The following XKR6 variants were observed in gnomAD, a reference collection of about 807,000 sequenced individuals.
The protein encoded by XKR6 is XK-related protein 6.
XKR6 carries 22 observed loss-of-function variants against 56.7 expected under a neutral mutation model. That is an observed-to-expected ratio of 0.39 (90% CI 0.28 to 0.55). XKR6 has a LOEUF of 0.55. Among genes scored for constraint, XKR6 ranks in the 20% least tolerant of loss-of-function variants. XKR6 has a pLI of 0.66. For synonymous variants in XKR6, 524 were observed against 387.8 expected (o/e 1.35, Z -4.13); for missense variants, 852 against 889.0 (o/e 0.96, Z 0.53).
intron 1 of XKR6, among the ~76,000 whole-genome samples, chr8:11,082,611 G>A (rs1797762357): frequency 6.6e-6 from 1 of 152,198 alleles, no homozygotes; most frequent in Admixed American, 6.5e-5. Context: ...AATAATGGGG[G>A]ATTCAGCCTG....
chr8:11,036,676 G>C (rs78518886), intron 1 of XKR6, among the ~76,000 whole-genome samples: 247 of 152,366 alleles, frequency 1.6e-3, no homozygotes, highest in African/African-American at 5.8e-3. Flanking sequence ...GTGTTCTTTG[G>C]AGGGTTCAAC....
chr8:11,107,275 C>A (rs989649352), intron 1 of XKR6, among the ~76,000 whole-genome samples: 1 of 151,826 alleles, frequency 6.6e-6, no homozygotes, highest in Non-Finnish European at 1.5e-5. Context: ...TCACAGCTCA[C>A]TGCATGCTCA....
chr8:11,115,256 T>C (rs562636318), intron 1 of XKR6, among the ~76,000 whole-genome samples: 6 of 152,364 alleles, frequency 3.9e-5, no homozygotes, highest in African/African-American at 1.2e-4. Context: ...ATTTTAATCC[T>C]GGAAATTAAT....
intron 1 of XKR6, among the ~76,000 whole-genome samples, chr8:11,054,476 T>A (rs899854586): frequency 4.6e-5 from 7 of 152,158 alleles, no homozygotes; most frequent in African/African-American, 1.4e-4. Context: ...ACGTTGTAGA[T>A]CAACTTATCT....
At chr8:11,130,842 C>G (rs1441131629) in intron 1 of XKR6, among the ~76,000 whole-genome samples, 1 of 152,108 alleles carries the variant, frequency 6.6e-6, no homozygotes, top group Non-Finnish European at 1.5e-5. Context: ...CTTCAGGACT[C>G]CAGTCCCTTA....
intron 1 of XKR6, among the ~76,000 whole-genome samples, chr8:11,011,523 G>C (rs186592348): frequency 6.6e-6 from 1 of 152,154 alleles, no homozygotes; most frequent in Non-Finnish European, 1.5e-5. Flanking sequence ...TAAGTGCCAC[G>C]TCTATTCCAG....
intron 1 of XKR6, among the ~76,000 whole-genome samples, chr8:10,968,913 G>C (rs956640140): frequency 2.0e-5 from 3 of 152,244 alleles, no homozygotes; most frequent in African/African-American, 7.2e-5. Flanking sequence ...AGTAACAGGA[G>C]TGGCTATCCT....
intron 1 of XKR6, among the ~76,000 whole-genome samples, chr8:11,135,923 G>C (rs540697445): frequency 4.6e-5 from 7 of 152,038 alleles, no homozygotes; most frequent in African/African-American, 1.4e-4. Flanking sequence ...CACTTAAAAA[G>C]GCTGATAACA....
At chr8:10,941,654 CT>C (rs1385605505) in intron 1 of XKR6, among the ~76,000 whole-genome samples, 1 of 152,238 alleles carries the variant, frequency 6.6e-6, no homozygotes, top group Non-Finnish European at 1.5e-5. Context: ...TAGGGCTGGG[CT>C]TCAGCCCCAG....
chr8:10,966,166 G>C (rs1197673626), intron 1 of XKR6, among the ~76,000 whole-genome samples: 1 of 152,192 alleles, frequency 6.6e-6, no homozygotes, highest in Non-Finnish European at 1.5e-5. Flanking sequence ...TGAGTGGGAG[G>C]ATTGCTGAAA....
intron 1 of XKR6, among the ~76,000 whole-genome samples, chr8:11,006,995 G>C (rs1798384636): frequency 6.6e-6 from 1 of 152,178 alleles, no homozygotes; most frequent in Non-Finnish European, 1.5e-5. Flanking sequence ...ACAGACATAA[G>C]ACCAAATTCT....
chr8:11,099,856 G>A (rs572502428), intron 1 of XKR6, among the ~76,000 whole-genome samples: 1 of 152,276 alleles, frequency 6.6e-6, no homozygotes, highest in African/African-American at 2.4e-5. Flanking sequence ...CTCTAGACAG[G>A]CTGGGCAGAG....
At chr8:11,160,827 C>T (rs575909999) in intron 1 of XKR6, among the ~76,000 whole-genome samples, 1 of 145,770 alleles carries the variant, frequency 6.9e-6, no homozygotes, top group South Asian at 2.2e-4. Flanking sequence ...CAAGAGAAAC[C>T]CTTGAACCCG....
chr8:11,053,828 C>A (rs563727449), intron 1 of XKR6, among the ~76,000 whole-genome samples: 1 of 152,326 alleles, frequency 6.6e-6, no homozygotes, highest in East Asian at 1.9e-4. Context: ...ACCATGCCAC[C>A]TAAGCAGGGA....
chr8:10,921,983 CAAA>C (rs1800737083), intron 2 of XKR6, among the ~76,000 whole-genome samples: 1 of 152,194 alleles, frequency 6.6e-6, no homozygotes, highest in African/African-American at 2.4e-5. Context: ...GAGGGCCTTA[CAAA>C]AGAGGCTTCA....
rs145550300 is a variant in XKR6 at position 11,172,297 on chromosome 8, G to A, written c.764+28279C>T. ...AGGTAGAAGGATCACCTGAGCCTGG[G>A]AGGTCGAGGCTGCGGCAAGCCATGA... On this transcript the variant is annotated intron_variant, in intron 1 of 2. Coordinates refer to ENST00000416569, the MANE Select transcript of XKR6 (RefSeq NM_173683.4). 7.5e-3 allele frequency among the ~76,000 whole-genome samples: 1,144 copies of A among 152,276 alleles called. 18 individuals are homozygous for A. The highest frequency in any genetic ancestry group is 0.027 in the African/African-American group (1,102 of 41,536).
At chr8:11,055,604 A>G (rs1254376479) in intron 1 of XKR6, among the ~76,000 whole-genome samples, 2 of 152,178 alleles carry the variant, frequency 1.3e-5, no homozygotes, top group East Asian at 1.9e-4. Flanking sequence ...GCTGCCCCCA[A>G]ATCCACGTCC....
chr8:11,130,608 G>A (rs1240301193), intron 1 of XKR6, among the ~76,000 whole-genome samples: 2 of 150,740 alleles, frequency 1.3e-5, no homozygotes, highest in South Asian at 2.1e-4. Flanking sequence ...TTTCTCCCTC[G>A]CCGGTTTTTT....
intron 1 of XKR6, chr8:11,109,204 G>C (rs1798797104): frequency 6.6e-6 from 1 of 152,160 alleles, no homozygotes; most frequent in East Asian, 1.9e-4. Flanking sequence ...ATGTCTAGAT[G>C]TGTTCTATTT....
Sources: gnomAD v4.1 joint callset for allele counts (sites outside exome capture counted in the v4.1 genomes callset) on GRCh38, gnomAD v4.1.1 for gene constraint, MANE v1.5 for transcripts, NCBI Gene and HGNC (gene_info 2026-07-23, HGNC 2026-07-21) for gene names.